The following PPP1CB variants were observed in gnomAD, a reference collection of about 807,000 sequenced individuals.
The protein encoded by PPP1CB is protein phosphatase 1 catalytic subunit beta.
A neutral mutation model predicts 43.7 loss-of-function variants in PPP1CB; 2 were observed. The observed-to-expected ratio is 0.05, with a 90% CI of 0.02 to 0.14. The LOEUF (loss-of-function observed/expected upper bound fraction) is 0.14, where lower values mean the gene tolerates loss of function less well. Among genes scored for constraint, PPP1CB ranks in the 10% least tolerant of loss-of-function variants. PPP1CB has a pLI of 1.00. For synonymous variants in PPP1CB, 136 were observed against 135.6 expected (o/e 1.00, Z -0.02); for missense variants, 84 against 398.0 (o/e 0.21, Z 6.71).
At chr2:28,763,680 G>A (rs1666712247) in intron 1 of PPP1CB, among the ~76,000 whole-genome samples, 1 of 148,928 alleles carries the variant, frequency 6.7e-6, no homozygotes, top group South Asian at 2.2e-4. Flanking sequence ...GCCACTAAAG[G>A]CCATTTTGGT....
intron 1 of PPP1CB, among the ~76,000 whole-genome samples, chr2:28,757,836 C>G (rs912244479): frequency 1.3e-5 from 2 of 151,834 alleles, no homozygotes; most frequent in South Asian, 2.1e-4. Flanking sequence ...AGACCTGGAG[C>G]TTTTCTGGTA....
intron 7 of PPP1CB, among the ~76,000 whole-genome samples, chr2:28,795,787 CT>C (rs1233011307): frequency 6.6e-6 from 1 of 152,062 alleles, no homozygotes; most frequent in Non-Finnish European, 1.5e-5. Flanking sequence ...TGCAGAAGCT[CT>C]TTAGTTTATT....
intron 2 of PPP1CB, 44 bp downstream of exon 2, chr2:28,777,026 T>C: frequency 6.3e-7 from 1 of 1,586,144 alleles, no homozygotes; most frequent in South Asian, 1.1e-5. Flanking sequence ...TTGAATCATG[T>C]TTTTCCTCCC....
In PPP1CB at chr2:28,801,189, G is replaced by A. The variant is rs1008731751; in HGVS notation, c.*1886G>A. ...TGATGTATTAGGTTAGGTCACAAAG[G>A]TTTTATCTGAGGTGATTTAAATAAC... On this transcript the variant is annotated 3_prime_UTR_variant, in exon 8 of 8. Coordinates refer to ENST00000395366, the MANE Select transcript of PPP1CB (RefSeq NM_002709.3). 6.6e-6 allele frequency: 1 copy of A among 152,026 alleles called. No homozygotes were observed. Among genetic ancestry groups the A allele is most frequent in the Non-Finnish European group, 1.5e-5 (1 of 67,938 alleles). The allele number at this position is 152,026 out of a possible 1,614,324, so 9.4% of individuals were successfully genotyped here. A position where few individuals can be genotyped will look rare whatever the true frequency, so the allele number is the denominator to read the frequency against.
intron 1 of PPP1CB, among the ~76,000 whole-genome samples, chr2:28,773,377 C>T (rs1666955328): frequency 6.6e-6 from 1 of 152,140 alleles, no homozygotes; most frequent in South Asian, 2.1e-4. Context: ...TCCCTCTCTG[C>T]TGCTTCTCAC....
At chr2:28,770,249 T>C (rs1666874864) in intron 1 of PPP1CB, among the ~76,000 whole-genome samples, 1 of 151,740 alleles carries the variant, frequency 6.6e-6, no homozygotes, top group South Asian at 2.1e-4. Context: ...GGTGACAGAG[T>C]GAGACTCCAT....
At chr2:28,752,588 C>T (rs1417564682) in intron 1 of PPP1CB, among the ~76,000 whole-genome samples, 1 of 152,202 alleles carries the variant, frequency 6.6e-6, no homozygotes, top group Non-Finnish European at 1.5e-5. Flanking sequence ...CTTCTCTGTT[C>T]TCTTTGTGCA....
At chr2:28,762,891 T>A (rs1011172159) in intron 1 of PPP1CB, among the ~76,000 whole-genome samples, 2 of 152,246 alleles carry the variant, frequency 1.3e-5, no homozygotes, top group South Asian at 2.1e-4. Context: ...GCTGTCAGAT[T>A]CATGGTGCTG....
At chr2:28,798,676 T>TA (rs1667545054) in intron 7 of PPP1CB, among the ~76,000 whole-genome samples, 1 of 152,144 alleles carries the variant, frequency 6.6e-6, no homozygotes, top group East Asian at 1.9e-4. Context: ...TGGTTAGAGT[T>TA]AGAGGATGTG....
rs1003927357 is a variant in PPP1CB at position 28,802,589 on chromosome 2, A to G, written c.*3286A>G. On this transcript the variant is annotated 3_prime_UTR_variant, in exon 8 of 8. Transcript: ENST00000395366. ...ATACTTTACGCAATGAACAGTAGTT[A>G]AATAGGAAATAAACTAGTTCCATAT... The G allele has an allele frequency of 6.6e-6, 1 of 152,256 alleles. No homozygotes were observed. The highest frequency in any genetic ancestry group is 2.4e-5 in the African/African-American group (1 of 41,460). 9.4% of individuals were successfully genotyped at this position (152,256 alleles called of 1,614,324 possible).
chr2:28,754,598 A>G (rs1666439221), intron 1 of PPP1CB, among the ~76,000 whole-genome samples: 1 of 152,180 alleles, frequency 6.6e-6, no homozygotes, highest in Non-Finnish European at 1.5e-5. Flanking sequence ...AGTGCCCCCA[A>G]GGGATTCTTA....
intron 4 of PPP1CB, among the ~76,000 whole-genome samples, chr2:28,783,540 G>A (rs1348499664): frequency 6.6e-6 from 1 of 152,170 alleles, no homozygotes; most frequent in Non-Finnish European, 1.5e-5. Context: ...GTTGGATCAT[G>A]AGGTCAAGAG....
chr2:28,756,262 CTG>C (rs1473257614), intron 1 of PPP1CB, among the ~76,000 whole-genome samples: 2 of 152,204 alleles, frequency 1.3e-5, no homozygotes, highest in Non-Finnish European at 2.9e-5. Flanking sequence ...AATATTAGCA[CTG>C]TGTAAAGTTC....
intron 1 of PPP1CB, among the ~76,000 whole-genome samples, chr2:28,754,874 C>T (rs1436111556): frequency 6.6e-6 from 1 of 152,188 alleles, no homozygotes; most frequent in East Asian, 1.9e-4. Flanking sequence ...AAACATTCAG[C>T]AGGACCTGAT....
chr2:28,778,510 T>A, intron 2 of PPP1CB: 1 of 492,496 alleles, frequency 2.0e-6, no homozygotes, highest in Non-Finnish European at 4.1e-6. Flanking sequence ...AATGAGCTGT[T>A]GGTCAGAGGC....
At chr2:28,768,738 C>T (rs1171255742) in intron 1 of PPP1CB, among the ~76,000 whole-genome samples, 1 of 151,964 alleles carries the variant, frequency 6.6e-6, no homozygotes, top group East Asian at 1.9e-4. Flanking sequence ...ATCCATAATT[C>T]AGTATTTCAT....
At chr2:28,793,634 G>C (rs1667433466) in intron 6 of PPP1CB, among the ~76,000 whole-genome samples, 1 of 152,062 alleles carries the variant, frequency 6.6e-6, no homozygotes, top group Non-Finnish European at 1.5e-5. Context: ...TTTCAGGAGT[G>C]GTGAATTTAT....
In PPP1CB at chr2:28,751,987, C is replaced by G. The variant is rs563653147; in HGVS notation, c.-138C>G. ...GGCGGGGAGGGGGTGGGGGGAGGGC[C>G]CGGGAAAAGGGGGAGTTGGAGCCGG... On this transcript the variant is annotated 5_prime_UTR_variant, in exon 1 of 8. Transcript: ENST00000395366. 1,685 of 802,714 alleles carry G rather than the reference C, an allele frequency of 2.1e-3. 22 individuals carry two copies. Among genetic ancestry groups the G allele is most frequent in the Non-Finnish European group, 2.5e-4 (118 of 476,664 alleles). 49.7% of individuals were successfully genotyped at this position (802,714 alleles called of 1,614,324 possible).
chr2:28,753,435 C>G (rs1204158008), intron 1 of PPP1CB, among the ~76,000 whole-genome samples: 1 of 152,168 alleles, frequency 6.6e-6, no homozygotes, highest in Non-Finnish European at 1.5e-5. Flanking sequence ...GTATTTGCTC[C>G]AGATGTGAAA....
Sources: gnomAD v4.1 joint callset for allele counts (sites outside exome capture counted in the v4.1 genomes callset) on GRCh38, gnomAD v4.1.1 for gene constraint, MANE v1.5 for transcripts, NCBI Gene and HGNC (gene_info 2026-07-23, HGNC 2026-07-21) for gene names.